Variants in MAGI1 observed in about 807,000 individuals in gnomAD.
The protein encoded by MAGI1 is membrane-associated guanylate kinase, WW and PDZ domain-containing protein 1.
In MAGI1, 58 loss-of-function variants were observed where a neutral mutation model predicts 139.9. The observed-to-expected ratio is 0.41, with a 90% CI of 0.34 to 0.52. The LOEUF is 0.52. MAGI1 is among the 20% of genes least tolerant of loss of function. MAGI1 has a pLI of 0.12. For synonymous variants in MAGI1, 812 were observed against 737.9 expected, an observed-to-expected ratio of 1.10 and a Z score of -1.63; for missense variants, 1,874 against 1,901.6, an observed-to-expected ratio of 0.99 and a Z score of 0.27.
intron 1 of MAGI1, chr3:65,907,764 C>T (rs1422120878): frequency 6.6e-6 from 1 of 152,210 alleles, no homozygotes; most frequent in Non-Finnish European, 1.5e-5. Context: ...TCCACCCCAA[C>T]TACCTTCTCA....
At position 65,962,417 on chromosome 3, in the gene MAGI1, G is replaced by C. The variant is rs978936941; in HGVS notation, c.313+75579C>G. ...ATTACAGGCGTGAGCCACCGCGCCC[G>C]GCCTCTGAATTGTATTTTTCAAGTG... is the stretch of plus-strand genomic sequence containing the variant. On this transcript the variant is annotated intron_variant, in intron 1 of 22. Coordinates refer to ENST00000402939, the MANE Select transcript of MAGI1 (RefSeq NM_001033057.2). 6.6e-5 allele frequency among the ~76,000 whole-genome samples: 10 copies of C among 151,448 alleles called. No homozygotes were observed. In the South Asian group the frequency reaches 8.5e-4, roughly 13 times the overall value.
chr3:65,681,401 A>AT (rs1456648178), intron 1 of MAGI1, among the ~76,000 whole-genome samples: 1 of 152,150 alleles, frequency 6.6e-6, no homozygotes, highest in African/African-American at 2.4e-5. Context: ...TAAAATCCTT[A>AT]TTTTATCCTA....
At chr3:65,620,071 G>T in intron 2 of MAGI1, 1 of 841,198 alleles carries the variant, frequency 1.2e-6, no homozygotes, top group Non-Finnish European at 1.4e-6. Context: ...CAATAAATCA[G>T]TGGAAAAAAT....
chr3:66,017,326 A>G (rs1404459157), intron 1 of MAGI1, among the ~76,000 whole-genome samples: 1 of 152,230 alleles, frequency 6.6e-6, no homozygotes, highest in Non-Finnish European at 1.5e-5. Flanking sequence ...CGCTGCAATG[A>G]GCCAGGCTCG....
intron 1 of MAGI1, among the ~76,000 whole-genome samples, chr3:65,937,001 G>GAT (rs2063095758): frequency 6.6e-6 from 1 of 151,548 alleles, no homozygotes; most frequent in African/African-American, 2.4e-5. Context: ...TGGTGGTGGT[G>GAT]GTGGTTGTTT....
intron 1 of MAGI1, among the ~76,000 whole-genome samples, chr3:65,666,163 C>T (rs1381420244): frequency 6.6e-6 from 1 of 152,170 alleles, no homozygotes; most frequent in African/African-American, 2.4e-5. Context: ...AGGGATTCAC[C>T]ATCAACTCCC....
chr3:65,755,194 C>T (rs760748513), intron 1 of MAGI1, among the ~76,000 whole-genome samples: 1 of 152,044 alleles, frequency 6.6e-6, no homozygotes, highest in Non-Finnish European at 1.5e-5. Context: ...GTGATCTGCC[C>T]GCCCCAGCCT....
chr3:65,668,060 C>A (rs1435749785), intron 1 of MAGI1, among the ~76,000 whole-genome samples: 1 of 152,078 alleles, frequency 6.6e-6, no homozygotes, highest in East Asian at 1.9e-4. Flanking sequence ...AGATTCAGAC[C>A]ATGAACTCCA....
chr3:65,793,614 C>A (rs2039929493), intron 1 of MAGI1, among the ~76,000 whole-genome samples: 1 of 152,146 alleles, frequency 6.6e-6, no homozygotes, highest in East Asian at 1.9e-4. Flanking sequence ...AAGGGTTGAG[C>A]CTAAGAATCT....
chr3:65,668,652 TG>T (rs2086673965), intron 1 of MAGI1, among the ~76,000 whole-genome samples: 1 of 142,612 alleles, frequency 7.0e-6, no homozygotes. Flanking sequence ...CTGCAACCTC[TG>T]CCCCCTAGGT....
Position 66,038,315 on chromosome 3 carries a change from T to C in MAGI1, c.-7A>G. 1 of 1,543,562 alleles carries C rather than the reference T, an allele frequency of 6.5e-7. No homozygotes were observed. Among genetic ancestry groups the C allele is most frequent in the Non-Finnish European group, 8.7e-7 (1 of 1,144,696 alleles). Reference sequence around the variant, plus strand: ...TCTGGATCACTTTGGACATGATGAGTTACACCCCTCCTCCAAAAAAATAAA... The same window carrying C: ...TCTGGATCACTTTGGACATGATGAGCTACACCCCTCCTCCAAAAAAATAAA... On this transcript the variant is annotated 5_prime_UTR_variant, in exon 1 of 23. Coordinates refer to ENST00000402939, the MANE Select transcript of MAGI1 (RefSeq NM_001033057.2).
At chr3:65,370,499 G>C (rs1057239751) in intron 18 of MAGI1, among the ~76,000 whole-genome samples, 5 of 152,210 alleles carry the variant, frequency 3.3e-5, no homozygotes, top group African/African-American at 1.2e-4. Flanking sequence ...AACCAAGGTA[G>C]CACAAGGTGT....
At chr3:65,618,936 TG>T (rs2083516604) in intron 2 of MAGI1, among the ~76,000 whole-genome samples, 1 of 152,166 alleles carries the variant, frequency 6.6e-6, no homozygotes, top group South Asian at 2.1e-4. Flanking sequence ...TCTTTTCTGT[TG>T]GGGTTTTTCT....
chr3:65,433,788 G>T (rs544137951), intron 10 of MAGI1, among the ~76,000 whole-genome samples: 3 of 152,006 alleles, frequency 2.0e-5, no homozygotes, highest in African/African-American at 7.2e-5. Flanking sequence ...TCCCTGCCAG[G>T]ATGGGGGGAG....
At chr3:65,496,692 A>C (rs1329703271) in intron 2 of MAGI1, among the ~76,000 whole-genome samples, 1 of 152,218 alleles carries the variant, frequency 6.6e-6, no homozygotes, top group Non-Finnish European at 1.5e-5. Flanking sequence ...ATGGAGATGC[A>C]CCAGGATAAA....
At chr3:65,951,019 GGAAGGAAGGA>G in intron 1 of MAGI1, among the ~76,000 whole-genome samples, 1 of 116,700 alleles carries the variant, frequency 8.6e-6, no homozygotes, top group South Asian at 3.2e-4. Context: ...AAGGAAGGAA[GGAAGGAAGGA>G]AGGAAGGAAA....
At chr3:65,478,255 C>T (rs1459433681) in intron 4 of MAGI1, among the ~76,000 whole-genome samples, 1 of 151,856 alleles carries the variant, frequency 6.6e-6, no homozygotes, top group Admixed American at 6.6e-5. Flanking sequence ...AAGTTACCCC[C>T]CCCAAAAAAA....
chr3:65,668,185 C>T (rs1000132583), intron 1 of MAGI1, among the ~76,000 whole-genome samples: 1 of 152,132 alleles, frequency 6.6e-6, no homozygotes, highest in African/African-American at 2.4e-5. Context: ...ATGGGGATGA[C>T]AATAATACCA....
chr3:65,713,595 A>T (rs1248409458), intron 1 of MAGI1, among the ~76,000 whole-genome samples: 2 of 152,210 alleles, frequency 1.3e-5, no homozygotes, highest in African/African-American at 4.8e-5. Flanking sequence ...CTAACCGAGA[A>T]GGGCAGAGAT....
Sources: gnomAD v4.1 joint callset for allele counts (sites outside exome capture counted in the v4.1 genomes callset) on GRCh38, gnomAD v4.1.1 for gene constraint, MANE v1.5 for transcripts, NCBI Gene and HGNC (gene_info 2026-07-23, HGNC 2026-07-21) for gene names.